Variants in PABPC4 observed in about 807,000 individuals in gnomAD.
PABPC4 encodes poly(A) binding protein cytoplasmic 4.
A neutral mutation model predicts 74.5 loss-of-function variants in PABPC4; 15 were observed. That is an observed-to-expected ratio of 0.20 (90% confidence interval 0.13 to 0.31). The LOEUF (loss-of-function observed/expected upper bound fraction) is 0.31. Ranked by LOEUF, PABPC4 falls within the 10% of genes least tolerant of loss-of-function variation. The pLI, the probability that PABPC4 is intolerant of heterozygous loss-of-function variation, is 1.00. For missense variants in PABPC4, 610 were observed against 853.5 expected, an observed-to-expected ratio of 0.71 and a Z score of 3.55; for synonymous variants, 345 against 303.0, an observed-to-expected ratio of 1.14 and a Z score of -1.44.
At chr1:39,571,164 G>GC in intron 3 of PABPC4, 70 bp downstream of exon 3, 1 of 1,608,720 alleles carries the variant, frequency 6.2e-7, no homozygotes, top group South Asian at 1.1e-5. Flanking sequence ...CCTTGTGTGT[G>GC]CCAGTTAATA....
intron 10 of PABPC4, 135 bp downstream of exon 10, chr1:39,564,288 C>T (rs1645803241): frequency 1.9e-6 from 2 of 1,044,336 alleles, no homozygotes; most frequent in Non-Finnish European, 2.7e-6. Context: ...GAAGTGGCCA[C>T]CTAAGCACAC....
rs1184482732 is a variant in PABPC4 at position 39,571,050 on chromosome 1, C to T, written c.503+184G>A. 3 of 1,477,240 alleles carry T rather than the reference C, an allele frequency of 2.0e-6. No individual in the cohort carries two copies. In the African/African-American group the frequency reaches 4.2e-5, roughly 21 times the overall value. 91.5% of individuals were successfully genotyped at this position (1,477,240 alleles called of 1,614,324 possible). A position where few individuals can be genotyped will look rare whatever the true frequency, so the allele number is the denominator to read the frequency against. ...GGCCATGGCTTGGGCAGGAAGCCCA[C>T]CTTGGCGAGTCAAAAGGGCTGCCAC... is the stretch of plus-strand genomic sequence containing the variant. On this transcript the variant is annotated intron_variant, in intron 3 of 15. Coordinates refer to ENST00000372858, the MANE Select transcript of PABPC4 (RefSeq NM_001135653.2).
chr1:39,562,442 T>TAGC (rs1645779632), intron 12 of PABPC4, 26 bp from the exon 13 acceptor site: 1 of 1,558,150 alleles, frequency 6.4e-7, no homozygotes, highest in African/African-American at 1.4e-5. Context: ...GGCAGTGGGT[T>TAGC]AGCACTGAGG....
chr1:39,575,828 C>T lies in PABPC4; in HGVS notation c.124G>A (p.Val42Ile). 6 of 1,611,566 alleles carry T rather than the reference C, an allele frequency of 3.7e-6. No homozygotes were observed. Among genetic ancestry groups the T allele is most frequent in the Non-Finnish European group, 5.1e-6 (6 of 1,179,298 alleles). ...SPAGPVLSIR[V>I]CRDMITRRSL... ...CGGCGGGTGATCATATCGCGGCAGA[C>T]CCGGATGGACAGCACAGGCCCCGCG... The change falls in exon 1 of 16, where the codon GTC (valine) becomes ATC (isoleucine). Residue 42 changes from valine (V) to isoleucine (I), a missense_variant. Coordinates refer to ENST00000372858, the MANE Select transcript of PABPC4 (RefSeq NM_001135653.2).
intron 1 of PABPC4, 46 bp downstream of exon 1, chr1:39,575,713 G>C (rs1055641623): frequency 6.9e-7 from 1 of 1,456,036 alleles, no homozygotes; most frequent in African/African-American, 1.5e-5. Flanking sequence ...ACGACTCCCG[G>C]GGTCCTCCGG....
At chr1:39,573,756 T>C (rs1645975491) in intron 1 of PABPC4, among the ~76,000 whole-genome samples, 1 of 151,712 alleles carries the variant, frequency 6.6e-6, no homozygotes, top group Non-Finnish European at 1.5e-5. Context: ...GAGTCAGAGG[T>C]TGCAGTGAGC....
intron 1 of PABPC4, chr1:39,573,148 C>T (rs1411727592): frequency 6.6e-6 from 1 of 150,946 alleles, no homozygotes; most frequent in Non-Finnish European, 1.5e-5. Context: ...AGTGACAAAA[C>T]CTGTAAAGCA....
chr1:39,569,551 G>T, intron 5 of PABPC4, 44 bp downstream of exon 5: 1 of 1,470,216 alleles, frequency 6.8e-7, no homozygotes, highest in Non-Finnish European at 9.5e-7. Context: ...CATACTCTGG[G>T]GCAACCTCTT....
chr1:39,561,733 G>A lies in PABPC4; in HGVS notation c.1948C>T (p.Gln650Ter). The A allele has an allele frequency of 1.9e-6, 3 of 1,613,854 alleles. No individual in the cohort carries two copies. The highest frequency in any genetic ancestry group is 2.5e-6 in the Non-Finnish European group (3 of 1,179,990). ...QAHHAKKEAA[Q>*]KVGAVAAATS is the part of the protein sequence containing the mutation. Reference sequence around the variant, plus strand: ...GCAGCAGCAACAGCGCCCACCTTCTGGGCAGCTTCTTTCTTGGCATGATGA... The same window carrying A: ...GCAGCAGCAACAGCGCCCACCTTCTAGGCAGCTTCTTTCTTGGCATGATGA... Residue 650 changes from glutamine to a stop codon, truncating the protein, a stop_gained, in exon 15 of 16, where the codon CAG becomes TAG. Transcript: ENST00000372858. LOFTEE classifies it high-confidence loss of function.
At chr1:39,569,335 T>C (rs760783529) in intron 5 of PABPC4, among the ~76,000 whole-genome samples, 1 of 152,226 alleles carries the variant, frequency 6.6e-6, no homozygotes, top group Non-Finnish European at 1.5e-5. Flanking sequence ...TTTAGTTCTC[T>C]CACCTTTGCA....
At chr1:39,561,628 GACAATGCTCATAGGA>G (rs966786030) in intron 15 of PABPC4, 42 bp downstream of exon 15, 268 of 1,231,322 alleles carry the variant, frequency 2.2e-4, no homozygotes, top group East Asian at 5.8e-4. Context: ...AAACCACAAA[GACAATGCTCATAGGA>G]ACAATGCTCA....
chr1:39,566,643 A>G (rs963342048), intron 7 of PABPC4, among the ~76,000 whole-genome samples: 3 of 152,236 alleles, frequency 2.0e-5, no homozygotes, highest in African/African-American at 2.4e-5. Context: ...GCATCACTCC[A>G]TAACTCTCTA....
At chr1:39,572,670 C>A (rs933099267) in intron 1 of PABPC4, 84 bp from the exon 2 acceptor site, 14 of 1,024,184 alleles carry the variant, frequency 1.4e-5, no homozygotes, top group Non-Finnish European at 1.8e-5. Flanking sequence ...TACTCCAGGA[C>A]TTTTCAAGGT....
At chr1:39,569,358 T>C (rs1645901370) in intron 5 of PABPC4, 3 of 558,276 alleles carry the variant, frequency 5.4e-6, no homozygotes, top group Non-Finnish European at 6.4e-6. Flanking sequence ...ATAACAAACG[T>C]CTGTCCTATT....
At chr1:39,562,492 A>G in intron 12 of PABPC4, 76 bp from the exon 13 acceptor site, 1 of 978,852 alleles carries the variant, frequency 1.0e-6, no homozygotes, top group African/African-American at 1.6e-5. Flanking sequence ...CCTGTTCAAT[A>G]TCTGAACATC....
intron 12 of PABPC4, 138 bp downstream of exon 12, chr1:39,563,476 G>C (rs896549265): frequency 8.8e-7 from 1 of 1,131,882 alleles, no homozygotes; most frequent in African/African-American, 1.6e-5. Context: ...CTGAAGGGCA[G>C]GGACAGTGAA....
intron 2 of PABPC4, chr1:39,571,847 T>C: frequency 3.6e-6 from 1 of 276,202 alleles, no homozygotes; most frequent in South Asian, 3.7e-5. Context: ...CACTCCACCC[T>C]GGGTGACAGA....
chr1:39,569,397 G>C (rs945184364), intron 5 of PABPC4, 198 bp downstream of exon 5: 1 of 594,120 alleles, frequency 1.7e-6, no homozygotes, highest in Non-Finnish European at 3.0e-6. Flanking sequence ...TGAGGTGACA[G>C]GTATGTGCCA....
intron 12 of PABPC4, chr1:39,562,886 T>C (rs574004790): frequency 1.6e-4 from 25 of 154,178 alleles, no homozygotes; most frequent in Admixed American, 5.2e-4. Context: ...ATCACCTTAA[T>C]TCTACCAAAT....
Sources: gnomAD v4.1 joint callset for allele counts (sites outside exome capture counted in the v4.1 genomes callset) on GRCh38, gnomAD v4.1.1 for gene constraint, MANE v1.5 for transcripts, NCBI Gene and HGNC (gene_info 2026-07-23, HGNC 2026-07-21) for gene names.